LSG1: variants seen among roughly 807,000 people sequenced by gnomAD.
The protein encoded by LSG1 is large subunit GTPase 1 homolog.
A neutral mutation model predicts 82.6 loss-of-function variants in LSG1; 55 were observed. That is an observed-to-expected ratio of 0.67 (90% CI 0.54 to 0.83). The LOEUF is 0.83. Ranked by LOEUF, LSG1 falls within the 40% of genes least tolerant of loss-of-function variation. The probability of loss-of-function intolerance (pLI) is 0.00; values close to 1 mark genes in which losing one functional copy is unlikely to be tolerated. For synonymous variants in LSG1, 272 were observed against 282.5 expected, an observed-to-expected ratio of 0.96 and a Z score of 0.37; for missense variants, 809 against 807.9, an observed-to-expected ratio of 1.00 and a Z score of -0.02.
chr3:194,660,779 C>T (rs896905236), intron 5 of LSG1: 1 of 429,972 alleles, frequency 2.3e-6, no homozygotes, highest in Non-Finnish European at 4.7e-6. Flanking sequence ...GCAAGTCCAA[C>T]TTCTTCCATC....
At chr3:194,652,522 T>TA (rs1314578798) in intron 8 of LSG1, among the ~76,000 whole-genome samples, 1 of 152,214 alleles carries the variant, frequency 6.6e-6, no homozygotes, top group Non-Finnish European at 1.5e-5. Context: ...ATAGGTATGT[T>TA]ACCAACACAG....
At chr3:194,645,499 C>T (rs76059867) in intron 12 of LSG1, 1,546 of 59,242 alleles carry the variant, frequency 0.026, 29 homozygotes, top group Middle Eastern at 0.045. Flanking sequence ...TAGTGCTACA[C>T]ACACACACAC....
At position 194,653,783 on chromosome 3, in the gene LSG1, C is replaced by T. The variant is rs776397626; in HGVS notation, c.760-641G>A. Among the ~76,000 whole-genome samples the T allele has an allele frequency of 4.8e-4, 73 of 152,144 alleles. 1 individual carries two copies. The highest frequency in any genetic ancestry group is 1.4e-3 in the Admixed American group (22 of 15,270). On this transcript the variant is annotated intron_variant, in intron 7 of 13. Coordinates refer to ENST00000265245, the MANE Select transcript of LSG1 (RefSeq NM_018385.3). The stretch of plus-strand genomic sequence containing the variant: ...GGGTGCTACGGCTCACGCCTGTAAT[C>T]CCAGCGCTTGGGTGGCGGAGGTGGG...
intron 11 of LSG1, among the ~76,000 whole-genome samples, chr3:194,646,877 A>C (rs1718565989): frequency 1.3e-5 from 2 of 152,228 alleles, no homozygotes; most frequent in Admixed American, 1.3e-4. Context: ...CTACGCTATC[A>C]ATACTACTTG....
At position 194,666,613 on chromosome 3, in the gene LSG1, A is replaced by G. The variant is rs762941976; in HGVS notation, c.227-41T>C. The G allele has an allele frequency of 1.9e-6, 3 of 1,560,564 alleles. No homozygotes were observed. The East Asian group carries it at 6.7e-5, about 35-fold the overall frequency. On this transcript the variant is annotated intron_variant, in intron 2 of 13. Transcript: ENST00000265245. ...AAAGTACTATTACTTAAGAGGCAGT[A>G]TAGATACAGAGTGTTTGGTCATACT...
At chr3:194,643,540 G>A (rs182914578) in intron 13 of LSG1, among the ~76,000 whole-genome samples, 1 of 152,092 alleles carries the variant, frequency 6.6e-6, no homozygotes, top group Non-Finnish European at 1.5e-5. Context: ...AAAAAAAAAT[G>A]GGAAATAATA....
At chr3:194,647,137 G>A (rs1003435105) in intron 11 of LSG1, among the ~76,000 whole-genome samples, 1 of 152,086 alleles carries the variant, frequency 6.6e-6, no homozygotes, top group African/African-American at 2.4e-5. Flanking sequence ...AATTTCGTCA[G>A]ATTAAAAATC....
rs746190135 is a variant in LSG1 at position 194,652,750 on chromosome 3, A to G, written c.1152T>C (p.Asp384=). ...KELHTGRKVK[D]GQLTVGLVGY... is the part of the protein sequence containing the mutation. ...TTACCAGTCCGACCGTAAGTTGCCCATCTTTCACCTTTCTCCCAGTGTGTA... is the reference window on the plus strand; with the variant it reads ...TTACCAGTCCGACCGTAAGTTGCCCGTCTTTCACCTTTCTCCCAGTGTGTA... The change falls in exon 8 of 14, where the codon GAT becomes GAC. Residue 384 remains aspartate, a synonymous_variant. Transcript: ENST00000265245. 28 of 1,613,438 alleles carry G rather than the reference A, an allele frequency of 1.7e-5. No homozygotes were observed. Among genetic ancestry groups the G allele is most frequent in the Non-Finnish European group, 2.3e-5 (27 of 1,179,494 alleles).
chr3:194,654,399 T>C (rs7631794), intron 7 of LSG1, among the ~76,000 whole-genome samples: 17,374 of 152,252 alleles, frequency 0.11, 1,491 homozygotes, highest in African/African-American at 0.23. Context: ...CAAGTAGCTT[T>C]GTTAGAATGA....
intron 2 of LSG1, among the ~76,000 whole-genome samples, chr3:194,668,993 G>A (rs1719087504): frequency 1.3e-5 from 2 of 152,110 alleles, no homozygotes; most frequent in South Asian, 4.1e-4. Context: ...GAATAAAGCC[G>A]AGCTCATAGA....
In LSG1 at chr3:194,659,071, G is replaced by T. The variant is rs1234462477; in HGVS notation, c.645C>A (p.Asp215Glu). The change falls in exon 7 of 14, where the codon GAC (aspartate) becomes GAA (glutamate). Residue 215 changes from aspartate to glutamate, a missense_variant. Asp to Glu is a conservative substitution (Grantham distance 45). Transcript: ENST00000265245. Reference sequence around the variant, plus strand: ...CACTCCGCTGCTCAGCAGTCAGCAAGTCTGCCTTGTTGATCAGAATGACGT... The same window carrying T: ...CACTCCGCTGCTCAGCAGTCAGCAATTCTGCCTTGTTGATCAGAATGACGT... ...KENVILINKA[D>E]LLTAEQRSAW... is the part of the protein sequence containing the mutation. 3 of 1,614,166 alleles carry T rather than the reference G, an allele frequency of 1.9e-6. No individual in the cohort carries two copies. In the South Asian group the frequency reaches 3.3e-5, roughly 18 times the overall value.
intron 12 of LSG1, 35 bp downstream of exon 12, chr3:194,646,129 T>A: frequency 6.3e-7 from 1 of 1,589,486 alleles, no homozygotes; most frequent in Non-Finnish European, 8.6e-7. Context: ...AAAAGACTTG[T>A]GTATTGGAGA....
chr3:194,650,846 T>C (rs777579688), intron 10 of LSG1, 35 bp downstream of exon 10: 2 of 1,581,266 alleles, frequency 1.3e-6, no homozygotes, highest in East Asian at 2.2e-5. Context: ...AATATGCACG[T>C]AATAACTAGA....
chr3:194,654,616 C>T (rs781677107), intron 7 of LSG1, among the ~76,000 whole-genome samples: 26 of 152,086 alleles, frequency 1.7e-4, no homozygotes, highest in Non-Finnish European at 2.4e-4. Context: ...AAGTCAGTGT[C>T]GTCACTGTGG....
At chr3:194,663,094 C>A (rs890187562) in intron 5 of LSG1, among the ~76,000 whole-genome samples, 1 of 152,190 alleles carries the variant, frequency 6.6e-6, no homozygotes, top group Admixed American at 6.5e-5. Context: ...AAAACAAAAA[C>A]TGTAATTAAG....
At position 194,651,213 on chromosome 3, in the gene LSG1, C is replaced by T. The variant is rs1465140514; in HGVS notation, c.1177G>A (p.Gly393Ser). 1 of 1,612,190 alleles carries T rather than the reference C, an allele frequency of 6.2e-7. No homozygotes were observed. The highest frequency in any genetic ancestry group is 8.5e-7 in the Non-Finnish European group (1 of 1,178,312). ...GAACTCTTACCAACATTAGGGTAGC[C>T]CACCTAGAAGAGACTCAGAAGTTAC... ...KDGQLTVGLV[G>S]YPNVGKSSTI... The change falls in exon 9 of 14, where the codon GGC becomes AGC. Residue 393 changes from glycine (G) to serine (S), a missense_variant. Coordinates refer to ENST00000265245, the MANE Select transcript of LSG1 (RefSeq NM_018385.3).
At position 194,672,104 on chromosome 3, in the gene LSG1, T is replaced by C; in HGVS notation, c.59A>G (p.Gln20Arg). Residue 20 changes from glutamine (Q) to arginine (R), a missense_variant, in exon 1 of 14, where the codon CAG (glutamine) becomes CGG (arginine). Gln to Arg is a conservative substitution (Grantham distance 43). Transcript: ENST00000265245. ...ACGATGGCTTCGGCTCCGCTGAGTC[T>C]GATGGCGCATAAGGGCCCGTCCCAG... ...GSLGRALMRH[Q>R]TQRSRSHRHT... is the part of the protein sequence containing the mutation. 2 of 1,610,502 alleles carry C rather than the reference T, an allele frequency of 1.2e-6. No individual in the cohort carries two copies. Among genetic ancestry groups the C allele is most frequent in the Admixed American group, 1.7e-5 (1 of 60,018 alleles).
In LSG1 at chr3:194,641,227, A is replaced by C. The variant is rs1391745333; in HGVS notation, c.*841T>G. 6.6e-6 allele frequency: 1 copy of C among 152,234 alleles called. No homozygotes were observed. The highest frequency in any genetic ancestry group is 1.5e-5 in the Non-Finnish European group (1 of 68,046). The allele number at this position is 152,234 out of a possible 1,614,324, so 9.4% of individuals were successfully genotyped here. Reference sequence around the variant, plus strand: ...TTCACCAACGTAAAGTGTGTAATTCAATGGTCTTAAGCATATTCAGAGTTG... The same window carrying C: ...TTCACCAACGTAAAGTGTGTAATTCCATGGTCTTAAGCATATTCAGAGTTG... On this transcript the variant is annotated 3_prime_UTR_variant, in exon 14 of 14. Coordinates refer to ENST00000265245, the MANE Select transcript of LSG1 (RefSeq NM_018385.3).
chr3:194,650,698 A>C (rs959835183), intron 10 of LSG1, 183 bp downstream of exon 10: 21 of 572,500 alleles, frequency 3.7e-5, no homozygotes, highest in Non-Finnish European at 5.8e-5. Flanking sequence ...TCAAGGCTAC[A>C]CTGCTGAAAT....
Sources: allele counts gnomAD v4.1 joint callset (sites outside exome capture counted in the v4.1 genomes callset), GRCh38; gene constraint gnomAD v4.1.1; transcripts MANE v1.5; gene names NCBI Gene and HGNC (gene_info 2026-07-23, HGNC 2026-07-21).